Variants in TENT4A observed in about 807,000 individuals in gnomAD.
TENT4A encodes DNA polymerase kappa.
TENT4A carries 7 observed loss-of-function variants against 72.8 expected under a neutral mutation model. That is an observed-to-expected ratio of 0.10 (90% CI 0.05 to 0.18). TENT4A has a LOEUF of 0.18. Ranked by LOEUF, TENT4A falls within the 10% of genes least tolerant of loss-of-function variation. The pLI, the probability that TENT4A is intolerant of heterozygous loss-of-function variation, is 1.00. For synonymous variants in TENT4A, 456 were observed against 434.3 expected (o/e 1.05, Z -0.62); for missense variants, 831 against 1,017.7 (o/e 0.82, Z 2.50).
intron 9 of TENT4A, 25 bp downstream of exon 9, chr5:6,749,682 C>T (rs914092140): frequency 3.5e-6 from 5 of 1,443,976 alleles, no homozygotes; most frequent in Non-Finnish European, 4.9e-6. Context: ...CATTTGTGTT[C>T]ATCCTAACCA....
At chr5:6,720,387 C>G (rs1202991243) in intron 1 of TENT4A, among the ~76,000 whole-genome samples, 2 of 152,106 alleles carry the variant, frequency 1.3e-5, no homozygotes. Flanking sequence ...TTGTCCAACA[C>G]TTTTCCCCTG....
Position 6,739,759 on chromosome 5 carries a change from A to G in TENT4A, c.915A>G (p.Lys305=). 6.2e-7 allele frequency: 1 copy of G among 1,614,138 alleles called. No homozygotes were observed. Among genetic ancestry groups the G allele is most frequent in the Non-Finnish European group, 8.5e-7 (1 of 1,180,006 alleles). Residue 305 remains lysine, a synonymous_variant, in exon 4 of 13, where the codon AAA becomes AAG. Coordinates refer to ENST00000230859, the MANE Select transcript of TENT4A (RefSeq NM_006999.6). ...ACATAGACCTGGTGGTCTTCGGGAA[A>G]TGGGAGCGTCCTCCTTTACAGCTGC... The part of the protein sequence containing the change: ...TSDIDLVVFG[K]WERPPLQLLE...
Position 6,714,508 on chromosome 5 carries a change from C to T in TENT4A, c.525C>T (p.Ala175=). ...GHPGPRGPAP[A]GSPSQHQFHP... ...CCGGGCCGCGCGGCCCCGCGCCCGC[C>T]GGCTCCCCGTCGCAGCACCAGTTCC... The change falls in exon 1 of 13, where the codon GCC becomes GCT. Residue 175 remains alanine (A), a synonymous_variant. Coordinates refer to ENST00000230859, the MANE Select transcript of TENT4A (RefSeq NM_006999.6). 8.4e-7 allele frequency: 1 copy of T among 1,189,194 alleles called. No homozygotes were observed. Among genetic ancestry groups the T allele is most frequent in the Non-Finnish European group, 1.0e-6 (1 of 960,496 alleles). 73.7% of individuals were successfully genotyped at this position (1,189,194 alleles called of 1,614,324 possible).
At chr5:6,727,740 T>C (rs1039411891) in intron 1 of TENT4A, among the ~76,000 whole-genome samples, 3 of 152,198 alleles carry the variant, frequency 2.0e-5, no homozygotes, top group African/African-American at 7.2e-5. Flanking sequence ...ATAGCAACTT[T>C]TTGGTTTATT....
chr5:6,737,582 G>A lies in TENT4A; in HGVS notation c.789G>A (p.Glu263=). 1 of 1,614,132 alleles carries A rather than the reference G, an allele frequency of 6.2e-7. No homozygotes were observed. Among genetic ancestry groups the A allele is most frequent in the Non-Finnish European group, 8.5e-7 (1 of 1,179,978 alleles). The part of the protein sequence containing the change: ...PCPEEAAMRR[E]VVKRIETVVK... ...CTGAAGAAGCAGCTATGAGAAGAGA[G>A]GTGGTGAAACGGATCGAAACTGTGG... Residue 263 remains glutamate (E), a synonymous_variant, in exon 2 of 13, where the codon GAG becomes GAA. Coordinates refer to ENST00000230859, the MANE Select transcript of TENT4A (RefSeq NM_006999.6).
chr5:6,744,813 G>A (rs1020764841), intron 6 of TENT4A, among the ~76,000 whole-genome samples: 6 of 152,122 alleles, frequency 3.9e-5, no homozygotes, highest in Non-Finnish European at 7.4e-5. Flanking sequence ...ACATTATTTT[G>A]AATTAAACAT....
At chr5:6,728,161 C>T (rs552569651) in intron 1 of TENT4A, among the ~76,000 whole-genome samples, 70 of 152,254 alleles carry the variant, frequency 4.6e-4, no homozygotes, top group Middle Eastern at 3.4e-3. Context: ...GAGGTGTAGG[C>T]AGGTGCTTTG....
chr5:6,738,944 G>A (rs1359540839), intron 3 of TENT4A, among the ~76,000 whole-genome samples: 2 of 152,196 alleles, frequency 1.3e-5, no homozygotes, highest in Non-Finnish European at 2.9e-5. Flanking sequence ...CACTTAATTT[G>A]TTGGGGTGCA....
Position 6,714,637 on chromosome 5 carries a change from G to A in TENT4A, c.654G>A (p.Gly218=). 3 of 1,199,302 alleles carry A rather than the reference G, an allele frequency of 2.5e-6. No individual in the cohort carries two copies. The highest frequency in any genetic ancestry group is 3.1e-6 in the Non-Finnish European group (3 of 966,974). The allele number at this position is 1,199,302 out of a possible 1,614,324, so 74.3% of individuals were successfully genotyped here. ...CTCTCAGCGGAGGGGGCGGCCCCGG[G>A]GCCCAGGCGCCGCGGCCCGGCACCC... ...AAALSGGGGP[G]AQAPRPGTPW... is the part of the protein sequence containing the mutation. The change falls in exon 1 of 13, where the codon GGG becomes GGA. Residue 218 remains glycine (G), a synonymous_variant. Coordinates refer to ENST00000230859, the MANE Select transcript of TENT4A (RefSeq NM_006999.6).
rs1324546816 is a variant in TENT4A at position 6,756,930 on chromosome 5, A to G, written c.*1985A>G. The G allele has an allele frequency of 1.3e-5, 2 of 152,648 alleles. No individual in the cohort carries two copies. Among genetic ancestry groups the G allele is most frequent in the African/African-American group, 4.8e-5 (2 of 41,448 alleles). 9.5% of individuals were successfully genotyped at this position (152,648 alleles called of 1,614,324 possible). A position where few individuals can be genotyped will look rare whatever the true frequency, so the allele number is the denominator to read the frequency against. On this transcript the variant is annotated 3_prime_UTR_variant, in exon 13 of 13. Coordinates refer to ENST00000230859, the MANE Select transcript of TENT4A (RefSeq NM_006999.6). ...GTGGTCGCGTGCTACAGGTTTGACA[A>G]AAAGATATCATGTTTCGATTTTTTT...
chr5:6,730,923 A>G (rs931211988), intron 1 of TENT4A, among the ~76,000 whole-genome samples: 1 of 152,232 alleles, frequency 6.6e-6, no homozygotes, highest in Non-Finnish European at 1.5e-5. Flanking sequence ...ATCCCTCAAA[A>G]TAGAAGCAAT....
chr5:6,743,358 C>G (rs1443034671), intron 5 of TENT4A, among the ~76,000 whole-genome samples: 1 of 152,182 alleles, frequency 6.6e-6, no homozygotes, highest in African/African-American at 2.4e-5. Flanking sequence ...CTCTGCTCTC[C>G]TGCTCCGGAG....
Position 6,736,122 on chromosome 5 carries a change from A to G in TENT4A, c.717-1388A>G, listed in dbSNP as rs144033137. Reference sequence around the variant, plus strand: ...AGGCTGCAGGCATGGCCTGATTTGCAGGTGCTTCATGAGCAAGCGTGCACA... The same window carrying G: ...AGGCTGCAGGCATGGCCTGATTTGCGGGTGCTTCATGAGCAAGCGTGCACA... On this transcript the variant is annotated intron_variant, in intron 1 of 12. Transcript: ENST00000230859. 1.9e-4 allele frequency among the ~76,000 whole-genome samples: 29 copies of G among 152,340 alleles called. No individual in the cohort carries two copies. In the East Asian group the frequency reaches 5.4e-3, roughly 28 times the overall value.
At position 6,714,218 on chromosome 5, in the gene TENT4A, A is replaced by T; in HGVS notation, c.235A>T (p.Thr79Ser). ...CGCGTCGCCCCCGCCGCCCGGCCCC[A>T]CCGCGCCCGCCGCGCTGCCCCCCGC... is the stretch of plus-strand genomic sequence containing the variant. ...PAASPPPPGPTAPAALPPALL... is the reference protein window; with the variant it reads ...PAASPPPPGPSAPAALPPALL... The change falls in exon 1 of 13, where the codon ACC becomes TCC. Residue 79 changes from threonine (T) to serine (S), a missense_variant. Coordinates refer to ENST00000230859, the MANE Select transcript of TENT4A (RefSeq NM_006999.6). 1.0e-6 allele frequency: 1 copy of T among 972,390 alleles called. No homozygotes were observed. Among genetic ancestry groups the T allele is most frequent in the Non-Finnish European group, 1.2e-6 (1 of 825,578 alleles). 60.2% of individuals were successfully genotyped at this position (972,390 alleles called of 1,614,324 possible).
chr5:6,749,125 T>C (rs1383050339), intron 8 of TENT4A, among the ~76,000 whole-genome samples: 1 of 152,182 alleles, frequency 6.6e-6, no homozygotes, highest in Non-Finnish European at 1.5e-5. Context: ...GAGGCCTGGC[T>C]CAGCAGCCGC....
intron 1 of TENT4A, among the ~76,000 whole-genome samples, chr5:6,733,272 T>C (rs1239193408): frequency 6.6e-6 from 1 of 152,242 alleles, no homozygotes; most frequent in African/African-American, 2.4e-5. Flanking sequence ...CGCCTGAGGC[T>C]GCAGGGGAGG....
In TENT4A at chr5:6,746,077, G is replaced by C. The variant is rs375330770; in HGVS notation, c.1246-137G>C. The C allele has an allele frequency of 7.9e-6, 12 of 1,516,504 alleles. No homozygotes were observed. The African/African-American group carries it at 1.4e-4, about 18-fold the overall frequency. 93.9% of individuals were successfully genotyped at this position (1,516,504 alleles called of 1,614,324 possible). A position where few individuals can be genotyped will look rare whatever the true frequency, so the allele number is the denominator to read the frequency against. On this transcript the variant is annotated intron_variant, in intron 6 of 12. Coordinates refer to ENST00000230859, the MANE Select transcript of TENT4A (RefSeq NM_006999.6). ...AAGAGGCTGCTGTTCAGGCTTCCTC[G>C]TGGTGCTGGTGAGTGAGCGAGTGCC...
chr5:6,725,654 G>A (rs1473830059), intron 1 of TENT4A, among the ~76,000 whole-genome samples: 1 of 152,142 alleles, frequency 6.6e-6, no homozygotes, highest in Non-Finnish European at 1.5e-5. Flanking sequence ...AAAACATAAT[G>A]ACATTGTTTT....
At chr5:6,754,600 C>T (rs1296179529) in intron 12 of TENT4A, 151 bp from the exon 13 acceptor site, 1 of 481,924 alleles carries the variant, frequency 2.1e-6, no homozygotes, top group Non-Finnish European at 3.7e-6. Context: ...GCTTTTCTCT[C>T]AGATGGAGGA....
Sources: allele counts gnomAD v4.1 joint callset (sites outside exome capture counted in the v4.1 genomes callset), GRCh38; gene constraint gnomAD v4.1.1; transcripts MANE v1.5; gene names NCBI Gene and HGNC (gene_info 2026-07-23, HGNC 2026-07-21).